The following COL19A1 variants were observed in gnomAD, a reference collection of about 807,000 sequenced individuals.
COL19A1 encodes the protein collagen type XIX alpha 1 chain, also known as collagen alpha-1(XIX) chain.
Under a neutral mutation model 190.2 loss-of-function variants are expected in COL19A1, and 159 were observed. That is an observed-to-expected ratio of 0.84 (90% confidence interval 0.73 to 0.95). The LOEUF (loss-of-function observed/expected upper bound fraction) is 0.95, where lower values mean the gene tolerates loss of function less well. COL19A1 is among the 40% of genes least tolerant of loss of function. The pLI, the probability that COL19A1 is intolerant of heterozygous loss-of-function variation, is 0.00. For synonymous variants in COL19A1, 509 were observed against 458.9 expected, an observed-to-expected ratio of 1.11 and a Z score of -1.39; for missense variants, 1,418 against 1,431.9, an observed-to-expected ratio of 0.99 and a Z score of 0.16.
rs547105325 is a variant in COL19A1, at chr6:69,900,095, T to A, written c.167-144T>A. 9.1e-6 allele frequency: 4 copies of A among 439,802 alleles called. No homozygotes were observed. In the South Asian group the frequency reaches 2.1e-4, roughly 23 times the overall value. 27.2% of individuals were successfully genotyped at this position (439,802 alleles called of 1,614,324 possible). ...CTCTTTTACCCTAAAAGGAGAAAAA[T>A]AAAATCAAGAAATTTTGCTGATCCC... is the stretch of plus-strand genomic sequence containing the variant. On this transcript the variant is annotated intron_variant, in intron 3 of 50. Transcript: ENST00000620364.
chr6:70,077,096 T>G (rs1284953973), intron 15 of COL19A1, among the ~76,000 whole-genome samples: 1 of 152,210 alleles, frequency 6.6e-6, no homozygotes, highest in Non-Finnish European at 1.5e-5. Flanking sequence ...GCCTAATGAC[T>G]TTGAAAGCCA....
intron 15 of COL19A1, among the ~76,000 whole-genome samples, chr6:70,088,429 A>G (rs1379931944): frequency 2.0e-5 from 3 of 152,134 alleles, no homozygotes; most frequent in African/African-American, 7.2e-5. Flanking sequence ...TTTTAAGTCA[A>G]TGATCAATTT....
At chr6:70,108,689 G>T (rs1784110856) in intron 16 of COL19A1, among the ~76,000 whole-genome samples, 1 of 151,986 alleles carries the variant, frequency 6.6e-6, no homozygotes, top group Non-Finnish European at 1.5e-5. Flanking sequence ...CTACTTCATG[G>T]ATCTCTAAAA....
At chr6:69,883,955 A>G (rs1029289822) in intron 2 of COL19A1, among the ~76,000 whole-genome samples, 2 of 117,128 alleles carry the variant, frequency 1.7e-5, no homozygotes, top group Non-Finnish European at 3.6e-5. Flanking sequence ...GGGAATAATA[A>G]TAAAAAAAAA....
chr6:70,104,892 G>A (rs546690329), intron 16 of COL19A1, among the ~76,000 whole-genome samples: 2 of 152,244 alleles, frequency 1.3e-5, no homozygotes, highest in South Asian at 4.2e-4. Flanking sequence ...TCTGGAATGA[G>A]TTCTCAACTA....
At chr6:69,960,660 C>T (rs1285966641) in intron 10 of COL19A1, among the ~76,000 whole-genome samples, 15 of 138,150 alleles carry the variant, frequency 1.1e-4, no homozygotes, top group African/African-American at 3.8e-4. Context: ...GACGGAGTCT[C>T]GCTCTGTCTC....
intron 2 of COL19A1, among the ~76,000 whole-genome samples, chr6:69,897,593 TCC>T (rs1292341634): frequency 5.3e-5 from 8 of 152,176 alleles, no homozygotes; most frequent in African/African-American, 1.9e-4. Flanking sequence ...ATTTTGTTTA[TCC>T]CTTCAGTTAT....
chr6:70,035,915 A>AC lies in COL19A1; in HGVS notation c.1151dup (p.Gly385ArgfsTer59). 6.2e-7 allele frequency: 1 copy of AC among 1,613,422 alleles called. No individual in the cohort carries two copies. Among genetic ancestry groups the AC allele is most frequent in the Non-Finnish European group, 8.5e-7 (1 of 1,179,452 alleles). On this transcript the variant is annotated frameshift_variant, in exon 14 of 51. Coordinates refer to ENST00000620364, the MANE Select transcript of COL19A1 (RefSeq NM_001858.6). LOFTEE classifies it high-confidence loss of function. ...TTAATCTATTTTAGGGAGATACAGG[A>AC]CCCCCAGGACCACCAGCCTTACCTG...
chr6:70,025,326 G>A (rs6906337), intron 12 of COL19A1, among the ~76,000 whole-genome samples: 14,540 of 152,170 alleles, frequency 0.096, 768 homozygotes, highest in East Asian at 0.2. Flanking sequence ...CACCGTGCCC[G>A]GCAGACTTGG....
chr6:69,889,110 C>G (rs1458762305), intron 2 of COL19A1, among the ~76,000 whole-genome samples: 1 of 152,154 alleles, frequency 6.6e-6, no homozygotes, highest in Non-Finnish European at 1.5e-5. Context: ...TATATTGTTG[C>G]TCTTTATCTT....
At chr6:70,086,464 A>G (rs1173067067) in intron 15 of COL19A1, among the ~76,000 whole-genome samples, 8 of 152,208 alleles carry the variant, frequency 5.3e-5, no homozygotes, top group Admixed American at 3.3e-4. Context: ...AAGTATTTCC[A>G]TTTAATCTAT....
At chr6:70,048,342 A>G (rs1265466070) in intron 14 of COL19A1, among the ~76,000 whole-genome samples, 3 of 152,130 alleles carry the variant, frequency 2.0e-5, no homozygotes, top group Non-Finnish European at 4.4e-5. Context: ...TGGTATGTAC[A>G]AGAAACAAAA....
At chr6:69,938,292 G>A (rs1447638877) in intron 9 of COL19A1, among the ~76,000 whole-genome samples, 192 bp downstream of exon 9, 1 of 151,984 alleles carries the variant, frequency 6.6e-6, no homozygotes, top group Middle Eastern at 3.2e-3. Context: ...ATTCATATTG[G>A]TAGGCTGGTG....
intron 17 of COL19A1, among the ~76,000 whole-genome samples, chr6:70,127,837 T>C (rs1785291523): frequency 6.6e-6 from 1 of 152,132 alleles, no homozygotes; most frequent in African/African-American, 2.4e-5. Context: ...CCACAACATG[T>C]GGGAATTGTG....
intron 35 of COL19A1, 95 bp downstream of exon 35, chr6:70,162,048 C>A: frequency 8.7e-7 from 1 of 1,145,088 alleles, no homozygotes; most frequent in South Asian, 1.7e-5. Context: ...GTTCTCTGTG[C>A]CTCTATGTAG....
intron 14 of COL19A1, among the ~76,000 whole-genome samples, chr6:70,057,885 G>C (rs910491370): frequency 3.9e-5 from 6 of 152,040 alleles, no homozygotes; most frequent in African/African-American, 1.4e-4. Context: ...CAGAATCTTA[G>C]CAGTCATTCA....
chr6:69,995,174 A>G (rs2150077664), intron 11 of COL19A1, among the ~76,000 whole-genome samples: 1 of 152,278 alleles, frequency 6.6e-6, no homozygotes, highest in Middle Eastern at 3.4e-3. Context: ...CACCTTGCCA[A>G]CATGTTCCAT....
rs531623618 is a variant in COL19A1 at position 70,128,523 on chromosome 6, A to G, written c.1342-1659A>G. 7.9e-5 allele frequency among the ~76,000 whole-genome samples: 12 copies of G among 152,320 alleles called. No homozygotes were observed. In the South Asian group the frequency reaches 8.3e-4, roughly 11 times the overall value. On this transcript the variant is annotated intron_variant, in intron 17 of 50. Transcript: ENST00000620364. Reference sequence around the variant, plus strand: ...GAGTCCATTAGAGTAAGCAGCAAAGATATTATTATTAACATTAGAGGGCCA... The same window carrying G: ...GAGTCCATTAGAGTAAGCAGCAAAGGTATTATTATTAACATTAGAGGGCCA...
rs36043258 is a variant in COL19A1 at position 70,206,944 on chromosome 6, G to A, written c.3267G>A (p.Gly1089=). The A allele has an allele frequency of 1.4e-3, 2,239 of 1,613,822 alleles. 32 individuals are homozygous for A. The African/African-American group carries it at 0.026, about 19-fold the overall frequency. The change falls in exon 50 of 51, where the codon GGG becomes GGA. Residue 1089 remains glycine, a synonymous_variant. Coordinates refer to ENST00000620364, the MANE Select transcript of COL19A1 (RefSeq NM_001858.6). ...QKGERGEPGI[G]LPGSPGLPGT... ...GAGAAAGAGGTGAACCTGGAATTGG[G>A]CTGCCAGGGAGTCCAGGTCTTCCTG...
Sources: allele counts gnomAD v4.1 joint callset (sites outside exome capture counted in the v4.1 genomes callset), GRCh38; gene constraint gnomAD v4.1.1; transcripts MANE v1.5; gene names NCBI Gene and HGNC (gene_info 2026-07-23, HGNC 2026-07-21).